The following TLE2 variants were observed in gnomAD, a reference collection of about 807,000 sequenced individuals.
TLE2 encodes TLE family member 2, transcriptional corepressor.
A neutral mutation model predicts 97.2 loss-of-function variants in TLE2; 74 were observed. The ratio of observed to expected loss-of-function variants is 0.76; its 90% CI spans 0.63 to 0.92. The LOEUF is 0.92. Among genes scored for constraint, TLE2 ranks in the 40% least tolerant of loss-of-function variants. The pLI, the probability that TLE2 is intolerant of heterozygous loss-of-function variation, is 0.00. For missense variants in TLE2, 1,038 were observed against 1,008.7 expected (o/e 1.03, Z -0.39); for synonymous variants, 499 against 432.1 (o/e 1.15, Z -1.92).
intron 7 of TLE2, among the ~76,000 whole-genome samples, chr19:3,018,478 A>C (rs762876616): frequency 2.7e-5 from 4 of 149,774 alleles, no homozygotes; most frequent in Admixed American, 6.7e-5. Context: ...TTTTTAGTAG[A>C]GACAAGGTTT....
rs930669564 is a variant in TLE2 at position 3,017,956 on chromosome 19, C to A, written c.551-97G>T. On this transcript the variant is annotated intron_variant, in intron 7 of 19. Coordinates refer to ENST00000262953, the MANE Select transcript of TLE2 (RefSeq NM_003260.5). ...GGTACAGCCCTCCAGTTTATAAAGC[C>A]CCCCGCCCCCACCACCCCACTCAGA... 4.3e-6 allele frequency: 5 copies of A among 1,163,490 alleles called. No homozygotes were observed. The East Asian group carries it at 1.0e-4, about 23-fold the overall frequency. 72.1% of individuals were successfully genotyped at this position (1,163,490 alleles called of 1,614,324 possible).
chr19:3,025,174 G>C, intron 4 of TLE2, 92 bp from the exon 5 acceptor site: 3 of 1,341,380 alleles, frequency 2.2e-6, no homozygotes. Flanking sequence ...TGGCAAAGCC[G>C]AAGGGTTGGG....
At position 3,006,578 on chromosome 19, in the gene TLE2, C is replaced by T. The variant is rs1210589810; in HGVS notation, c.1342G>A (p.Ala448Thr). 2 of 1,604,286 alleles carry T rather than the reference C, an allele frequency of 1.2e-6. No individual in the cohort carries two copies. Among genetic ancestry groups the T allele is most frequent in the African/African-American group, 2.7e-5 (2 of 74,716 alleles). ...TGGGCCAGCGTGTGCAGCTGCCGGG[C>T]GTGCCGCGGGATGCCCGCGCCTACC... ...ALVGAGIPRHARQLHTLAHGE... is the reference protein window; with the variant it reads ...ALVGAGIPRHTRQLHTLAHGE... The change falls in exon 15 of 20, where the codon GCC becomes ACC. Residue 448 changes from alanine (A) to threonine (T), a missense_variant. Coordinates refer to ENST00000262953, the MANE Select transcript of TLE2 (RefSeq NM_003260.5).
chr19:3,005,337 C>G, intron 17 of TLE2, 100 bp downstream of exon 17: 1 of 1,463,300 alleles, frequency 6.8e-7, no homozygotes, highest in Non-Finnish European at 9.1e-7. Flanking sequence ...GATGGGAGTC[C>G]TGTCCTGTCC....
rs74644429 is a variant in TLE2 at position 3,013,661 on chromosome 19, C to T, written c.873+8G>A. On this transcript the variant is annotated splice_region_variant and intron_variant, in intron 11 of 19. Coordinates refer to ENST00000262953, the MANE Select transcript of TLE2 (RefSeq NM_003260.5). ...AAGTGAGTTTCAAGGCCCTCCCCTC[C>T]TCCTTACCAGGATGAGCTCCTTGGC... 86 of 1,370,598 alleles carry T rather than the reference C, an allele frequency of 6.3e-5. No homozygotes were observed. The African/African-American group carries it at 1.3e-3, about 20-fold the overall frequency. 84.9% of individuals were successfully genotyped at this position (1,370,598 alleles called of 1,614,324 possible). A position where few individuals can be genotyped will look rare whatever the true frequency, so the allele number is the denominator to read the frequency against.
rs111733797 is a variant in TLE2, at chr19:3,013,821, G to A, written c.724-3C>T. 3 of 1,530,262 alleles carry A rather than the reference G, an allele frequency of 2.0e-6. No homozygotes were observed. The South Asian group carries it at 3.9e-5, about 20-fold the overall frequency. The allele number at this position is 1,530,262 out of a possible 1,614,324, so 94.8% of individuals were successfully genotyped here. A position where few individuals can be genotyped will look rare whatever the true frequency, so the allele number is the denominator to read the frequency against. On this transcript the variant is annotated splice_region_variant and splice_polypyrimidine_tract_variant and intron_variant, in intron 10 of 19. Coordinates refer to ENST00000262953, the MANE Select transcript of TLE2 (RefSeq NM_003260.5). The stretch of plus-strand genomic sequence containing the variant: ...CTGGGGGGCTCTGAGGGTTGGTCCT[G>A]GGTTTGAGGAGGTGACGTTGAGCAG...
upstream of TLE2, among the ~76,000 whole-genome samples, chr19:3,047,121 C>T: frequency 2.1e-5 from 1 of 48,288 alleles, no homozygotes; most frequent in Admixed American, 1.8e-4. Context: ...CCCTCTCCCC[C>T]TCCTCTCCCT....
intron 1 of TLE2, among the ~76,000 whole-genome samples, chr19:3,039,224 C>CAA (rs1568255750): frequency 8.9e-5 from 9 of 101,000 alleles, no homozygotes; most frequent in African/African-American, 2.4e-4. Context: ...TTTCCCCACT[C>CAA]CAAAAAAAAA....
At chr19:3,041,028 T>A (rs1317803346) in intron 1 of TLE2, among the ~76,000 whole-genome samples, 39 of 102,484 alleles carry the variant, frequency 3.8e-4, no homozygotes, top group East Asian at 1.3e-3. Context: ...TTTTTTTTTT[T>A]TTTTTTTTTT....
At chr19:2,998,422 T>G (rs1328673078) in intron 19 of TLE2, among the ~76,000 whole-genome samples, 1 of 152,128 alleles carries the variant, frequency 6.6e-6, no homozygotes, top group Non-Finnish European at 1.5e-5. Flanking sequence ...GGATTGCAGG[T>G]GCATGCCACC....
chr19:3,045,784 A>C, exon 1 of TLE2: 1 of 436,240 alleles, frequency 2.3e-6, no homozygotes. Context: ...CCGTGATTGC[A>C]CCATTGCACT....
chr19:3,000,558 G>A, intron 19 of TLE2, 89 bp downstream of exon 19: 2 of 1,227,698 alleles, frequency 1.6e-6, no homozygotes, highest in African/African-American at 1.5e-5. Flanking sequence ...GGGACCTGGG[G>A]GACAGGGACA....
intron 19 of TLE2, among the ~76,000 whole-genome samples, chr19:2,998,418 C>T (rs1333213294): frequency 6.6e-6 from 1 of 152,034 alleles, no homozygotes; most frequent in East Asian, 1.9e-4. Flanking sequence ...GCTGGGATTG[C>T]AGGTGCATGC....
At chr19:3,015,560 T>C in intron 9 of TLE2, 93 bp downstream of exon 9, 2 of 987,430 alleles carry the variant, frequency 2.0e-6, no homozygotes, top group South Asian at 2.8e-5. Flanking sequence ...AGTGAGAGAA[T>C]TATGGCCAGA....
intron 11 of TLE2, among the ~76,000 whole-genome samples, chr19:3,012,878 G>T (rs747245256): frequency 7.9e-5 from 12 of 152,220 alleles, no homozygotes; most frequent in Non-Finnish European, 8.8e-5. Context: ...GCACCCGCGA[G>T]AGAGTGGATG....
chr19:3,025,437 C>T, intron 4 of TLE2: 1 of 1,073,912 alleles, frequency 9.3e-7, no homozygotes, highest in Non-Finnish European at 1.1e-6. Flanking sequence ...CTGGGCTCAG[C>T]TGAAACAAAG....
rs561746985 is a variant in TLE2, at chr19:3,009,684, G to A, written c.1031C>T (p.Thr344Ile). Reference protein sequence around the residue: ...TDSVALRSPLTLSSPFTTSFS... With the variant: ...TDSVALRSPLILSSPFTTSFS... Reference sequence around the variant, plus strand: ...GGACGTGGTGAAGGGACTGGACAGAGTCAGGGGGCTCCTCAGGGCTGAGAC... The same window carrying A: ...GGACGTGGTGAAGGGACTGGACAGAATCAGGGGGCTCCTCAGGGCTGAGAC... The change falls in exon 13 of 20, where the codon ACT becomes ATT. Residue 344 changes from threonine (T) to isoleucine (I), a missense_variant. Physicochemically the swap from Thr to Ile is moderately conservative, Grantham distance 89 (BLOSUM62 -1). Coordinates refer to ENST00000262953, the MANE Select transcript of TLE2 (RefSeq NM_003260.5). The A allele has an allele frequency of 3.1e-6, 5 of 1,612,184 alleles. No homozygotes were observed. The highest frequency in any genetic ancestry group is 3.4e-5 in the Admixed American group (2 of 59,692).
At position 3,029,055 on chromosome 19, in the gene TLE2, C is replaced by T. The variant is rs1041100236; in HGVS notation, c.-151G>A. On this transcript the variant is annotated 5_prime_UTR_variant, in exon 1 of 20. Transcript: ENST00000262953. ...GCGCGGGGCAAGGGACCCTGGAGTC[C>T]CTGGCGCGCCCCCAAGCGCGCGCGC... The T allele has an allele frequency of 5.1e-6, 7 of 1,366,826 alleles. No individual in the cohort carries two copies. Among genetic ancestry groups the T allele is most frequent in the Non-Finnish European group, 6.6e-6 (7 of 1,057,288 alleles). The allele number at this position is 1,366,826 out of a possible 1,614,324, so 84.7% of individuals were successfully genotyped here.
At chr19:3,027,035 G>A (rs1443961828) in intron 4 of TLE2, among the ~76,000 whole-genome samples, 3 of 152,012 alleles carry the variant, frequency 2.0e-5, no homozygotes, top group East Asian at 1.9e-4. Flanking sequence ...GAACCTTGAG[G>A]TCTATCTCAG....
Sources: allele counts gnomAD v4.1 joint callset (sites outside exome capture counted in the v4.1 genomes callset), GRCh38; gene constraint gnomAD v4.1.1; transcripts MANE v1.5; gene names NCBI Gene and HGNC (gene_info 2026-07-23, HGNC 2026-07-21).